Variants in TMEM164 observed in about 807,000 individuals in gnomAD.
TMEM164 encodes the protein RP13-360B22.2.
Under a neutral mutation model 18.8 loss-of-function variants are expected in TMEM164, and 4 were observed. That is an observed-to-expected ratio of 0.21 (90% CI 0.10 to 0.49). TMEM164 has a LOEUF of 0.49. Ranked by LOEUF, TMEM164 falls within the 20% of genes least tolerant of loss-of-function variation. The pLI, the probability that TMEM164 is intolerant of heterozygous loss-of-function variation, is 0.98. For synonymous variants in TMEM164, 86 were observed against 101.7 expected, an observed-to-expected ratio of 0.85 and a Z score of 0.93; for missense variants, 108 against 239.9, an observed-to-expected ratio of 0.45 and a Z score of 3.63.
chrX:110,021,897 T>C (rs1439093137), intron 2 of TMEM164, among the ~76,000 whole-genome samples: 47 of 112,031 alleles, frequency 4.2e-4, no homozygotes, highest in Non-Finnish European at 1.5e-4. Context: ...TGTGAGCCCT[T>C]GAAGGCCTTT....
At position 110,174,217 on chromosome X, in the gene TMEM164, G is replaced by A. The variant is rs1412177114; in HGVS notation, c.*766G>A. 1.5e-4 allele frequency: 17 copies of A among 112,126 alleles called. No homozygotes were observed. The Admixed American group carries it at 1.6e-3, about 11-fold the overall frequency. 9.2% of individuals were successfully genotyped at this position (112,126 alleles called of 1,213,427 possible). Reference sequence around the variant, plus strand: ...TGTGTAAGTTCTGCCTGTGAGAGTTGAGAACTGATGCATATCCCAATCAGA... The same window carrying A: ...TGTGTAAGTTCTGCCTGTGAGAGTTAAGAACTGATGCATATCCCAATCAGA... On this transcript the variant is annotated 3_prime_UTR_variant, in exon 7 of 7. Coordinates refer to ENST00000372068, the MANE Select transcript of TMEM164 (RefSeq NM_032227.4).
At chrX:110,178,450 G>C (rs1403682022), downstream of TMEM164, among the ~76,000 whole-genome samples, 2 of 111,776 alleles carry the variant, frequency 1.8e-5, no homozygotes, top group Non-Finnish European at 3.8e-5. Context: ...GGTGAGGAGA[G>C]TTGGTTCGTG....
intron 2 of TMEM164, among the ~76,000 whole-genome samples, chrX:110,029,684 G>A (rs778785085): frequency 7.2e-5 from 8 of 111,817 alleles, no homozygotes; most frequent in African/African-American, 1.3e-4. Flanking sequence ...AATTACATTT[G>A]GTCACATATG....
At chrX:110,147,193 C>T (rs928998469) in intron 5 of TMEM164, among the ~76,000 whole-genome samples, 7 of 112,061 alleles carry the variant, frequency 6.2e-5, no homozygotes, top group African/African-American at 2.3e-4. Flanking sequence ...CTTCCTCTGG[C>T]CTGTCCCTTC....
chrX:110,163,685 C>T (rs1205327865), intron 5 of TMEM164, among the ~76,000 whole-genome samples: 2 of 112,318 alleles, frequency 1.8e-5, no homozygotes, highest in African/African-American at 6.5e-5. Flanking sequence ...CGTTTATACA[C>T]TAATGGACTT....
chrX:110,022,528 G>C (rs1432095726), intron 2 of TMEM164, among the ~76,000 whole-genome samples: 1 of 111,366 alleles, frequency 9.0e-6, no homozygotes, highest in East Asian at 2.8e-4. Flanking sequence ...GTGACAAGGA[G>C]CTTTGTTTCT....
At chrX:110,127,123 G>T (rs975085143) in intron 4 of TMEM164, among the ~76,000 whole-genome samples, 4 of 110,819 alleles carry the variant, frequency 3.6e-5, no homozygotes, top group African/African-American at 1.3e-4. Flanking sequence ...TATGGAGCAG[G>T]GACCAGGGGG....
intron 3 of TMEM164, among the ~76,000 whole-genome samples, chrX:110,100,040 C>T (rs997858760): frequency 8.9e-6 from 1 of 112,206 alleles, no homozygotes; most frequent in Admixed American, 9.5e-5. Context: ...GTGTTGACTT[C>T]GCATCCTGTG....
At chrX:110,093,264 G>A (rs1364035951) in intron 3 of TMEM164, among the ~76,000 whole-genome samples, 1 of 111,715 alleles carries the variant, frequency 9.0e-6, no homozygotes, top group Non-Finnish European at 1.9e-5. Context: ...TCTATTGATT[G>A]GAATAGCCCC....
At chrX:110,115,430 C>T (rs1333487497) in intron 4 of TMEM164, among the ~76,000 whole-genome samples, 1 of 111,763 alleles carries the variant, frequency 8.9e-6, no homozygotes, top group African/African-American at 3.3e-5. Flanking sequence ...TCTGCAAAGG[C>T]CAGTATGTTT....
At chrX:110,096,053 C>T (rs1422995345) in intron 3 of TMEM164, among the ~76,000 whole-genome samples, 2 of 112,210 alleles carry the variant, frequency 1.8e-5, no homozygotes, top group South Asian at 7.4e-4. Flanking sequence ...TGGAAGCTTC[C>T]TCTCAGAGGG....
At chrX:110,106,642 G>T (rs749272142) in intron 3 of TMEM164, among the ~76,000 whole-genome samples, 9 of 111,603 alleles carry the variant, frequency 8.1e-5, no homozygotes, top group African/African-American at 2.0e-4. Flanking sequence ...CCAAAGTGCT[G>T]GGATTACAGG....
At chrX:110,142,679 C>T (rs113388409) in intron 4 of TMEM164, among the ~76,000 whole-genome samples, 5 of 113,195 alleles carry the variant, frequency 4.4e-5, no homozygotes, top group African/African-American at 1.6e-4. Flanking sequence ...AAAAATCATA[C>T]AACAATCTTA....
intron 2 of TMEM164, among the ~76,000 whole-genome samples, chrX:110,043,345 T>C (rs894801861): frequency 5.3e-5 from 6 of 112,567 alleles, no homozygotes; most frequent in African/African-American, 1.6e-4. Flanking sequence ...CTAGATGTGC[T>C]CCAAGTATTA....
chrX:110,176,118 G>C lies in TMEM164; in HGVS notation c.*2667G>C, dbSNP rs2067286896. On this transcript the variant is annotated 3_prime_UTR_variant, in exon 7 of 7. Coordinates refer to ENST00000372068, the MANE Select transcript of TMEM164 (RefSeq NM_032227.4). ...GCCAGCGTGTGGGAGCTCTGCGCGT[G>C]TGTGAGGGTGTTTGTAGAAGAGGGC... The C allele has an allele frequency of 5.3e-6, 4 of 755,270 alleles. No individual in the cohort carries two copies. Among genetic ancestry groups the C allele is most frequent in the African/African-American group, 2.3e-5 (1 of 43,290 alleles). The allele number at this position is 755,270 out of a possible 1,213,427, so 62.2% of individuals were successfully genotyped here. A position where few individuals can be genotyped will look rare whatever the true frequency, so the allele number is the denominator to read the frequency against.
At chrX:110,075,411 T>C (rs1398579399) in intron 3 of TMEM164, among the ~76,000 whole-genome samples, 1 of 111,481 alleles carries the variant, frequency 9.0e-6, no homozygotes, top group Non-Finnish European at 1.9e-5. Flanking sequence ...GAAGAGAAGA[T>C]AGTTTGAATT....
intron 4 of TMEM164, among the ~76,000 whole-genome samples, chrX:110,119,230 C>T (rs192883645): frequency 3.6e-5 from 4 of 112,017 alleles, no homozygotes; most frequent in African/African-American, 6.5e-5. Flanking sequence ...AAAAAGGTGG[C>T]GGCTTTGTGC....
At chrX:110,079,168 C>T (rs6567845) in intron 3 of TMEM164, among the ~76,000 whole-genome samples, 25,743 of 110,596 alleles carry the variant, frequency 0.23, 3,427 homozygotes, top group African/African-American at 0.51. Flanking sequence ...AATGATTTCC[C>T]GTCGAAACTC....
intron 3 of TMEM164, among the ~76,000 whole-genome samples, chrX:110,104,029 A>G (rs1343007120): frequency 8.9e-6 from 1 of 111,827 alleles, no homozygotes; most frequent in East Asian, 2.8e-4. Context: ...AAAGATTAAG[A>G]AAAGGTTAAG....
Sources: allele counts gnomAD v4.1 joint callset (sites outside exome capture counted in the v4.1 genomes callset), GRCh38; gene constraint gnomAD v4.1.1; transcripts MANE v1.5; gene names NCBI Gene and HGNC (gene_info 2026-07-23, HGNC 2026-07-21).